TMEM232: variants seen among roughly 807,000 people sequenced by gnomAD.
TMEM232 encodes the protein transmembrane protein 232.
A neutral mutation model predicts 78.8 loss-of-function variants in TMEM232; 80 were observed. The ratio of observed to expected loss-of-function variants is 1.01; its 90% CI spans 0.85 to 1.22. TMEM232 has a LOEUF of 1.22. Ranked by LOEUF, TMEM232 falls within the 50% of genes most tolerant of loss-of-function variation. TMEM232 has a pLI of 0.00. For missense variants in TMEM232, 881 were observed against 742.2 expected, an observed-to-expected ratio of 1.19 and a Z score of -2.17; for synonymous variants, 297 against 254.3, an observed-to-expected ratio of 1.17 and a Z score of -1.60.
At chr5:110,687,763 T>C (rs112263533) in intron 1 of TMEM232, among the ~76,000 whole-genome samples, 19 of 152,214 alleles carry the variant, frequency 1.2e-4, no homozygotes, top group African/African-American at 4.1e-4. Context: ...TATTCACATA[T>C]ACATACGTAC....
At chr5:110,730,980 C>T (rs989419700), upstream of TMEM232, among the ~76,000 whole-genome samples, 4 of 152,154 alleles carry the variant, frequency 2.6e-5, no homozygotes, top group African/African-American at 9.7e-5. Flanking sequence ...GTCCCTTATG[C>T]CTATGAGCCT....
intron 2 of TMEM232, among the ~76,000 whole-genome samples, chr5:110,659,021 C>A (rs1333787663): frequency 6.6e-6 from 1 of 152,012 alleles, no homozygotes; most frequent in African/African-American, 2.4e-5. Flanking sequence ...GGCAACAATA[C>A]CTCAAAAAAG....
Position 110,420,669 on chromosome 5 carries a change from G to C in TMEM232, c.1885C>G (p.His629Asp). 1 of 1,526,602 alleles carries C rather than the reference G, an allele frequency of 6.6e-7. No homozygotes were observed. Among genetic ancestry groups the C allele is most frequent in the Non-Finnish European group, 8.7e-7 (1 of 1,143,808 alleles). 94.6% of individuals were successfully genotyped at this position (1,526,602 alleles called of 1,614,324 possible). ...LKDKKLAEKN[H>D]FQEVMKKREE... ...CTTTTCTTCATAACTTCTTGAAAGT[G>C]ATTTTTCTCTGCTAACTTTTTATCT... Residue 629 changes from histidine to aspartate, a missense_variant, in exon 14 of 14, where the codon CAC (histidine) becomes GAC (aspartate). By Grantham distance (81) the His-to-Asp change is moderately conservative. Coordinates refer to ENST00000455884, the MANE Select transcript of TMEM232 (RefSeq NM_001039763.4).
At position 110,606,169 on chromosome 5, in the gene TMEM232, T is replaced by C. The variant is rs1384577257; in HGVS notation, c.1021A>G (p.Asn341Asp). Reference protein sequence around the residue: ...DFVSSIMSVQNQEESCKVDDF... With the variant: ...DFVSSIMSVQDQEESCKVDDF... ...ATATAAATTAGCAATGTTACCTGATTTTGAACAGACATAATGCTTGAAACA... is the reference window on the plus strand; with the variant it reads ...ATATAAATTAGCAATGTTACCTGATCTTGAACAGACATAATGCTTGAAACA... Residue 341 changes from asparagine (N) to aspartate (D), a missense_variant, in exon 9 of 14, where the codon AAT becomes GAT. Coordinates refer to ENST00000455884, the MANE Select transcript of TMEM232 (RefSeq NM_001039763.4). 6.5e-7 allele frequency: 1 copy of C among 1,539,206 alleles called. No homozygotes were observed. The highest frequency in any genetic ancestry group is 2.5e-5 in the East Asian group (1 of 40,792).
At chr5:110,393,496 C>T (rs1755278014) in intron 3 of TMEM232, among the ~76,000 whole-genome samples, 1 of 151,994 alleles carries the variant, frequency 6.6e-6, no homozygotes, top group South Asian at 2.1e-4. Context: ...CCTTTTTCAT[C>T]TCTTTTATTT....
chr5:110,476,618 T>C (rs1486993790), intron 12 of TMEM232, among the ~76,000 whole-genome samples: 1 of 152,058 alleles, frequency 6.6e-6, no homozygotes, highest in Non-Finnish European at 1.5e-5. Context: ...TTGTAATGAT[T>C]CTAGATCTTC....
At chr5:110,614,296 T>A (rs1009111120) in intron 8 of TMEM232, among the ~76,000 whole-genome samples, 3 of 152,108 alleles carry the variant, frequency 2.0e-5, no homozygotes, top group African/African-American at 7.2e-5. Context: ...AGAATGACAG[T>A]TGAATGATGC....
chr5:110,435,822 G>T (rs1758370941), intron 12 of TMEM232, among the ~76,000 whole-genome samples: 1 of 151,948 alleles, frequency 6.6e-6, no homozygotes, highest in Non-Finnish European at 1.5e-5. Flanking sequence ...GTACTCTATT[G>T]TGTATAAGAA....
intron 10 of TMEM232, among the ~76,000 whole-genome samples, chr5:110,571,822 T>A (rs996812434): frequency 4.0e-5 from 6 of 151,590 alleles, no homozygotes; most frequent in Non-Finnish European, 8.8e-5. Context: ...TAAAAAAAAA[T>A]AGATAAGGTA....
intron 10 of TMEM232, among the ~76,000 whole-genome samples, chr5:110,593,813 AG>A (rs1343414849): frequency 2.6e-5 from 4 of 152,104 alleles, no homozygotes; most frequent in African/African-American, 4.8e-5. Context: ...AAATAACTAA[AG>A]GGTATAATTG....
intron 12 of TMEM232, among the ~76,000 whole-genome samples, chr5:110,457,561 T>A (rs1433960659): frequency 1.3e-5 from 2 of 152,112 alleles, no homozygotes; most frequent in Non-Finnish European, 2.9e-5. Flanking sequence ...ATGTTTATAG[T>A]GATATATATG....
intron 1 of TMEM232, among the ~76,000 whole-genome samples, chr5:110,699,819 G>A (rs904884751): frequency 6.6e-6 from 1 of 151,926 alleles, no homozygotes; most frequent in African/African-American, 2.4e-5. Context: ...GCACTCTTTA[G>A]AGAAAAAACT....
At chr5:110,587,884 T>C (rs572011442) in intron 10 of TMEM232, among the ~76,000 whole-genome samples, 1 of 151,740 alleles carries the variant, frequency 6.6e-6, no homozygotes, top group East Asian at 1.9e-4. Context: ...ATACTATACT[T>C]TTAGATGTGT....
At chr5:110,474,919 A>G (rs1234449834) in intron 12 of TMEM232, among the ~76,000 whole-genome samples, 3 of 151,966 alleles carry the variant, frequency 2.0e-5, no homozygotes, top group African/African-American at 7.2e-5. Context: ...AGACCAAAAG[A>G]TACATATTTT....
At chr5:110,502,287 G>A (rs1766351220) in intron 12 of TMEM232, among the ~76,000 whole-genome samples, 1 of 152,154 alleles carries the variant, frequency 6.6e-6, no homozygotes, top group Admixed American at 6.6e-5. Context: ...CAGTTCCAGG[G>A]ACTGAAACCA....
intron 12 of TMEM232, among the ~76,000 whole-genome samples, chr5:110,492,756 G>C (rs1001209539): frequency 6.6e-5 from 10 of 151,928 alleles, no homozygotes; most frequent in African/African-American, 2.4e-4. Flanking sequence ...ACTCTACAGA[G>C]AGATATTAGA....
intron 2 of TMEM232, among the ~76,000 whole-genome samples, chr5:110,646,685 T>C (rs1178702161): frequency 5.3e-5 from 8 of 151,784 alleles, no homozygotes; most frequent in South Asian, 4.1e-4. Context: ...ACTAGACAAG[T>C]GGGATTGCAT....
chr5:110,718,389 G>T (rs1465301413), intron 1 of TMEM232, among the ~76,000 whole-genome samples: 3 of 152,110 alleles, frequency 2.0e-5, no homozygotes, highest in African/African-American at 7.2e-5. Context: ...TTGATGAGAA[G>T]CATTTCTGGA....
intron 1 of TMEM232, among the ~76,000 whole-genome samples, chr5:110,682,858 T>C (rs1056997913): frequency 6.6e-6 from 1 of 152,136 alleles, no homozygotes; most frequent in Non-Finnish European, 1.5e-5. Context: ...AAGTGTCTTC[T>C]TTCTCATTCA....
Sources: gnomAD v4.1 joint callset for allele counts (sites outside exome capture counted in the v4.1 genomes callset) on GRCh38, gnomAD v4.1.1 for gene constraint, MANE v1.5 for transcripts, NCBI Gene and HGNC (gene_info 2026-07-23, HGNC 2026-07-21) for gene names.